The following ARID2 variants were observed in gnomAD, a reference collection of about 807,000 sequenced individuals.
The protein encoded by ARID2 is AT-rich interactive domain-containing protein 2.
Under a neutral mutation model 184.6 loss-of-function variants are expected in ARID2, and 32 were observed. The ratio of observed to expected loss-of-function variants is 0.17; its 90% CI spans 0.13 to 0.23. The LOEUF is 0.23. Among genes scored for constraint, ARID2 ranks in the 10% least tolerant of loss-of-function variants. The probability of loss-of-function intolerance (pLI) is 1.00; values close to 1 mark genes in which losing one functional copy is unlikely to be tolerated. For missense variants in ARID2, 1,696 were observed against 2,197.6 expected (o/e 0.77, Z 4.56); for synonymous variants, 836 against 772.6 (o/e 1.08, Z -1.36).
chr12:45,824,110 G>A (rs944780978), intron 6 of ARID2, among the ~76,000 whole-genome samples: 1 of 152,020 alleles, frequency 6.6e-6, no homozygotes, highest in African/African-American at 2.4e-5. Flanking sequence ...TTTATCCCAG[G>A]GATGTAAGGA....
chr12:45,868,583 ATAAAATG>A (rs1421547857), intron 16 of ARID2, among the ~76,000 whole-genome samples: 3 of 152,218 alleles, frequency 2.0e-5, no homozygotes, highest in Non-Finnish European at 4.4e-5. Flanking sequence ...CTTTTATATC[ATAAAATG>A]CACATTTTTT....
intron 16 of ARID2, among the ~76,000 whole-genome samples, chr12:45,885,900 C>A (rs1944178834): frequency 6.6e-6 from 1 of 152,176 alleles, no homozygotes; most frequent in African/African-American, 2.4e-5. Context: ...ATTATGGGAA[C>A]TACAATTCAA....
At chr12:45,876,962 G>T (rs1040475225) in intron 16 of ARID2, among the ~76,000 whole-genome samples, 2 of 151,504 alleles carry the variant, frequency 1.3e-5, no homozygotes, top group African/African-American at 4.9e-5. Context: ...CCTGGTGGTG[G>T]GCACCTGTAG....
At chr12:45,768,902 G>A (rs1409378984) in intron 3 of ARID2, among the ~76,000 whole-genome samples, 4 of 152,164 alleles carry the variant, frequency 2.6e-5, no homozygotes, top group South Asian at 2.1e-4. Flanking sequence ...AAAGAAAGAG[G>A]AAAAGAGTGC....
At chr12:45,740,549 T>C (rs550006385) in intron 3 of ARID2, among the ~76,000 whole-genome samples, 4 of 152,288 alleles carry the variant, frequency 2.6e-5, no homozygotes, top group African/African-American at 9.6e-5. Context: ...CAGTATAATG[T>C]CTTTTATTTA....
intron 6 of ARID2, 63 bp downstream of exon 6, chr12:45,821,550 C>T (rs1487345628): frequency 1.4e-5 from 14 of 1,036,198 alleles, no homozygotes; most frequent in Non-Finnish European, 1.8e-5. Context: ...AACAATAGAT[C>T]AGTGGTTGCT....
At chr12:45,824,923 G>C (rs1464516814) in intron 6 of ARID2, among the ~76,000 whole-genome samples, 1 of 150,954 alleles carries the variant, frequency 6.6e-6, no homozygotes, top group African/African-American at 2.4e-5. Flanking sequence ...TAAAAGGAAT[G>C]AAAATGTGCT....
intron 16 of ARID2, among the ~76,000 whole-genome samples, chr12:45,883,739 G>A (rs1709527052): frequency 1.3e-5 from 2 of 151,640 alleles, no homozygotes; most frequent in Admixed American, 6.6e-5. Flanking sequence ...TTACTTAGCT[G>A]TATAACTCTG....
intron 20 of ARID2, among the ~76,000 whole-genome samples, chr12:45,901,962 G>A (rs1944465882): frequency 6.6e-6 from 1 of 152,156 alleles, no homozygotes; most frequent in Admixed American, 6.5e-5. Flanking sequence ...ACAGGCGTGA[G>A]CCACCACGCC....
rs781611431 is a variant in ARID2, at chr12:45,729,868, A to C, written c.32A>C (p.Asp11Ala). 2.0e-5 allele frequency: 32 copies of C among 1,611,476 alleles called. No homozygotes were observed. Among genetic ancestry groups the C allele is most frequent in the Non-Finnish European group, 2.5e-5 (30 of 1,179,176 alleles). MANSTGKAPP[D>A]ERRKGLAFLD... ...AACTCGACGGGGAAGGCGCCTCCGGACGAGCGGAGAAAGGGACTCGCTTTC... is the reference window on the plus strand; with the variant it reads ...AACTCGACGGGGAAGGCGCCTCCGGCCGAGCGGAGAAAGGGACTCGCTTTC... Residue 11 changes from aspartate (D) to alanine (A), a missense_variant, in exon 1 of 21, where the codon GAC becomes GCC. Physicochemically the swap from Asp to Ala is moderately radical, Grantham distance 126 (BLOSUM62 -2). Transcript: ENST00000334344.
At chr12:45,875,316 C>G (rs557927812) in intron 16 of ARID2, among the ~76,000 whole-genome samples, 1 of 152,134 alleles carries the variant, frequency 6.6e-6, no homozygotes, top group African/African-American at 2.4e-5. Flanking sequence ...CAATAGCAGA[C>G]TTAAAATACT....
At chr12:45,829,150 G>T (rs1171621161) in intron 6 of ARID2, among the ~76,000 whole-genome samples, 2 of 151,804 alleles carry the variant, frequency 1.3e-5, no homozygotes, top group Non-Finnish European at 2.9e-5. Context: ...TACAATATTT[G>T]TTTTAAAAAC....
At chr12:45,904,738 A>G (rs375715754) in intron 20 of ARID2, among the ~76,000 whole-genome samples, 196 bp from the exon 21 acceptor site, 3 of 151,296 alleles carry the variant, frequency 2.0e-5, no homozygotes, top group Non-Finnish European at 4.4e-5. Flanking sequence ...AAAGGCAAAC[A>G]GTAATAGTCA....
chr12:45,822,764 A>T (rs1386481522), intron 6 of ARID2, among the ~76,000 whole-genome samples: 1 of 152,202 alleles, frequency 6.6e-6, no homozygotes, highest in South Asian at 2.1e-4. Context: ...CAAGGGATCA[A>T]TACAGCAAAA....
chr12:45,899,695 T>A (rs1305934338), intron 20 of ARID2, among the ~76,000 whole-genome samples: 3 of 78,722 alleles, frequency 3.8e-5, no homozygotes, highest in Non-Finnish European at 9.0e-5. Flanking sequence ...ATATATATGG[T>A]TATATATATA....
chr12:45,800,715 C>A (rs1440507450), intron 3 of ARID2, among the ~76,000 whole-genome samples: 1 of 151,736 alleles, frequency 6.6e-6, no homozygotes. Context: ...CGAGATAAGC[C>A]TGGAATATCT....
chr12:45,811,320 GATT>G (rs904053340), intron 3 of ARID2, 95 bp from the exon 4 acceptor site: 31 of 1,275,478 alleles, frequency 2.4e-5, no homozygotes, highest in African/African-American at 1.1e-4. Flanking sequence ...AATTTTTTTA[GATT>G]ATTGTTTAGA....
chr12:45,744,309 T>C (rs1941318278), intron 3 of ARID2, among the ~76,000 whole-genome samples: 1 of 152,198 alleles, frequency 6.6e-6, no homozygotes, highest in Non-Finnish European at 1.5e-5. Flanking sequence ...TCTATCTGTT[T>C]ATTTAATGAG....
intron 3 of ARID2, among the ~76,000 whole-genome samples, chr12:45,762,012 T>C (rs1306938673): frequency 6.6e-6 from 1 of 152,168 alleles, no homozygotes; most frequent in East Asian, 1.9e-4. Flanking sequence ...TAATTATATA[T>C]ATTTTTACAG....
Sources: gnomAD v4.1 joint callset for allele counts (sites outside exome capture counted in the v4.1 genomes callset) on GRCh38, gnomAD v4.1.1 for gene constraint, MANE v1.5 for transcripts, NCBI Gene and HGNC (gene_info 2026-07-23, HGNC 2026-07-21) for gene names.